The following ZNF541 variants were observed in gnomAD, a reference collection of about 807,000 sequenced individuals.
ZNF541 encodes zinc finger protein 541.
In ZNF541, 23 loss-of-function variants were observed where a neutral mutation model predicts 123.5. That is an observed-to-expected ratio of 0.19 (90% CI 0.13 to 0.26). ZNF541 has a LOEUF of 0.26. Among genes scored for constraint, ZNF541 ranks in the 10% least tolerant of loss-of-function variants. The pLI is 1.00. For synonymous variants in ZNF541, 751 were observed against 754.5 expected (o/e 1.00, Z 0.08); for missense variants, 1,612 against 1,789.9 (o/e 0.90, Z 1.79).
chr19:47,568,500 C>A (rs948505421), intron 2 of ZNF541, among the ~76,000 whole-genome samples: 3 of 152,098 alleles, frequency 2.0e-5, no homozygotes, highest in Admixed American at 2.0e-4. Context: ...TGTGCCACCA[C>A]ACCTGGCTAA....
chr19:47,559,416 GGAAA>G (rs1242204169), intron 2 of ZNF541, among the ~76,000 whole-genome samples: 1 of 147,812 alleles, frequency 6.8e-6, no homozygotes, highest in Non-Finnish European at 1.5e-5. Flanking sequence ...AAGGAAGGAA[GGAAA>G]GAAAGACAGA....
chr19:47,523,041 C>T (rs1416668954), intron 14 of ZNF541, among the ~76,000 whole-genome samples: 2 of 151,220 alleles, frequency 1.3e-5, no homozygotes, highest in African/African-American at 4.9e-5. Flanking sequence ...CCACCGCACC[C>T]GGCCAGCAGT....
At chr19:47,538,969 A>G (rs147842819) in intron 8 of ZNF541, among the ~76,000 whole-genome samples, 41 of 152,276 alleles carry the variant, frequency 2.7e-4, no homozygotes, top group African/African-American at 9.1e-4. Flanking sequence ...CCGCTCTGCC[A>G]GCCCTACTCC....
At chr19:47,522,927 G>C (rs1355556497) in intron 14 of ZNF541, among the ~76,000 whole-genome samples, 1 of 150,866 alleles carries the variant, frequency 6.6e-6, no homozygotes, top group Non-Finnish European at 1.5e-5. Flanking sequence ...TTGTATCTTT[G>C]TAGAGACAGG....
At position 47,529,004 on chromosome 19, in the gene ZNF541, A is replaced by C. The variant is rs1323056525; in HGVS notation, c.3516T>G (p.Leu1172=). ...SDVWTPIEKR[L]FKKAFYAHKK... ...TGTGGGCATAGAACGCCTTCTTAAA[A>C]AGCCTCTTCTCTATAGGGGTCCAGA... Residue 1172 remains leucine (L), a synonymous_variant, in exon 14 of 17, where the codon CTT becomes CTG. Coordinates refer to ENST00000391901, the MANE Select transcript of ZNF541 (RefSeq NM_001277075.3). The C allele has an allele frequency of 6.4e-7, 1 of 1,551,512 alleles. No homozygotes were observed. Among genetic ancestry groups the C allele is most frequent in the Non-Finnish European group, 8.7e-7 (1 of 1,146,984 alleles).
intron 4 of ZNF541, among the ~76,000 whole-genome samples, chr19:47,547,901 A>C (rs1444457664): frequency 6.6e-6 from 1 of 151,854 alleles, no homozygotes; most frequent in African/African-American, 2.4e-5. Flanking sequence ...TTAGCCAGGC[A>C]TGATAGTGCA....
Position 47,537,180 on chromosome 19 carries a change from G to C in ZNF541, c.3094+962C>G, listed in dbSNP as rs148195166. On this transcript the variant is annotated intron_variant, in intron 9 of 16. Coordinates refer to ENST00000391901, the MANE Select transcript of ZNF541 (RefSeq NM_001277075.3). Reference sequence around the variant, plus strand: ...ATTAAGACTATGTGATAGTTGCACGGCCTTGTGAATATCCTAAAAATCACT... The same window carrying C: ...ATTAAGACTATGTGATAGTTGCACGCCCTTGTGAATATCCTAAAAATCACT... Among the ~76,000 whole-genome samples, 1,015 of 152,228 alleles carry C rather than the reference G, an allele frequency of 6.7e-3. 20 individuals are homozygous for C. The highest frequency in any genetic ancestry group is 0.045 in the Admixed American group (682 of 15,280).
intron 3 of ZNF541, among the ~76,000 whole-genome samples, chr19:47,551,932 A>C (rs1317524365): frequency 2.6e-5 from 4 of 152,186 alleles, no homozygotes; most frequent in Non-Finnish European, 5.9e-5. Flanking sequence ...ATCTTGGCTC[A>C]CTGCAACCTC....
At chr19:47,540,525 C>T (rs566470001) in intron 6 of ZNF541, among the ~76,000 whole-genome samples, 190 bp from the exon 7 acceptor site, 4 of 151,988 alleles carry the variant, frequency 2.6e-5, no homozygotes, top group Non-Finnish European at 5.9e-5. Flanking sequence ...CTGTAACCTC[C>T]ACCTCCTGGG....
rs922285307 is a variant in ZNF541, at chr19:47,538,372, C to T, written c.2864G>A (p.Arg955Gln). 22 of 1,543,996 alleles carry T rather than the reference C, an allele frequency of 1.4e-5. No homozygotes were observed. The highest frequency in any genetic ancestry group is 4.0e-5 in the Admixed American group (2 of 49,992). The change falls in exon 9 of 17, where the codon CGG becomes CAG. Residue 955 changes from arginine (R) to glutamine (Q), a missense_variant. By Grantham distance (43) the Arg-to-Gln change is conservative. Transcript: ENST00000391901. ...ESSQQRKRKK[R>Q]PPPSTAGEPG... is the part of the protein sequence containing the mutation. ...CTCCCCAGCCGTGGAGGGTGGGGGC[C>T]GCTTCTTCCGCTTTCTCTGCTGGCT...
intron 2 of ZNF541, among the ~76,000 whole-genome samples, chr19:47,569,332 A>C (rs766181961): frequency 1.3e-5 from 2 of 152,130 alleles, no homozygotes; most frequent in Non-Finnish European, 2.9e-5. Flanking sequence ...CTTGTATGTC[A>C]TCGTATTTAA....
intron 2 of ZNF541, among the ~76,000 whole-genome samples, 56 bp from the exon 3 acceptor site, chr19:47,556,010 C>T (rs1970807981): frequency 6.6e-6 from 1 of 152,180 alleles, no homozygotes; most frequent in South Asian, 2.1e-4. Flanking sequence ...GCATTGTGGG[C>T]AGAGCACGGA....
chr19:47,540,051 C>A, intron 7 of ZNF541, 125 bp downstream of exon 7: 1 of 1,431,638 alleles, frequency 7.0e-7, no homozygotes, highest in Non-Finnish European at 9.3e-7. Flanking sequence ...AGCCACACAG[C>A]CTGACTCCAG....
intron 7 of ZNF541, 28 bp downstream of exon 7, chr19:47,540,148 C>A: frequency 6.5e-7 from 1 of 1,540,298 alleles, no homozygotes; most frequent in South Asian, 1.2e-5. Flanking sequence ...ACCCAGTAAC[C>A]ACCAAGCCAC....
chr19:47,560,027 G>A (rs980214132), intron 2 of ZNF541, among the ~76,000 whole-genome samples: 1 of 152,098 alleles, frequency 6.6e-6, no homozygotes, highest in Non-Finnish European at 1.5e-5. Context: ...GGTTTTCAAA[G>A]AACAGTGGTT....
intron 9 of ZNF541, among the ~76,000 whole-genome samples, chr19:47,537,123 G>A (rs2123034144): frequency 6.6e-6 from 1 of 152,306 alleles, no homozygotes; most frequent in East Asian, 1.9e-4. Flanking sequence ...ATGAGCTCTG[G>A]CTTCTTCTGG....
At chr19:47,533,802 C>A (rs1204297146) in intron 9 of ZNF541, among the ~76,000 whole-genome samples, 1 of 152,064 alleles carries the variant, frequency 6.6e-6, no homozygotes, top group Non-Finnish European at 1.5e-5. Flanking sequence ...CCACTGTGCT[C>A]CAGCCTGGGC....
At chr19:47,531,201 TA>T (rs1969549520) in intron 12 of ZNF541, among the ~76,000 whole-genome samples, 1 of 145,256 alleles carries the variant, frequency 6.9e-6, no homozygotes, top group Non-Finnish European at 1.5e-5. Context: ...GTTAGACTTT[TA>T]ATATACTTTC....
Position 47,558,243 on chromosome 19 carries a change from C to T in ZNF541, c.-98-2289G>A, listed in dbSNP as rs190098959. Among the ~76,000 whole-genome samples the T allele has an allele frequency of 7.9e-3, 1,200 of 152,044 alleles. 10 individuals carry two copies. Among genetic ancestry groups the T allele is most frequent in the African/African-American group, 0.027 (1,127 of 41,512 alleles). On this transcript the variant is annotated intron_variant, in intron 2 of 16. Transcript: ENST00000391901. ...CATCCCGGCTAACACGGTGAAACCC[C>T]ATCTCTATTAAAAATACAAAAAATT...
Sources: gnomAD v4.1 joint callset for allele counts (sites outside exome capture counted in the v4.1 genomes callset) on GRCh38, gnomAD v4.1.1 for gene constraint, MANE v1.5 for transcripts, NCBI Gene and HGNC (gene_info 2026-07-23, HGNC 2026-07-21) for gene names.